CDH4: variants seen among roughly 807,000 people sequenced by gnomAD.
CDH4 encodes the protein cadherin-4.
A neutral mutation model predicts 86.0 loss-of-function variants in CDH4; 33 were observed. That is an observed-to-expected ratio of 0.38 (90% CI 0.29 to 0.51). The LOEUF is 0.51. Ranked by LOEUF, CDH4 falls within the 20% of genes least tolerant of loss-of-function variation. The pLI, the probability that CDH4 is intolerant of heterozygous loss-of-function variation, is 0.86. For missense variants in CDH4, 1,114 were observed against 1,307.4 expected (o/e 0.85, Z 2.28); for synonymous variants, 555 against 549.4 (o/e 1.01, Z -0.14).
At chr20:61,301,024 C>G (rs2084383461) in intron 2 of CDH4, among the ~76,000 whole-genome samples, 1 of 152,246 alleles carries the variant, frequency 6.6e-6, no homozygotes, top group Non-Finnish European at 1.5e-5. Flanking sequence ...CACGGTTAAT[C>G]CCATTAACTT....
At chr20:61,255,748 A>T (rs1600809572) in intron 2 of CDH4, among the ~76,000 whole-genome samples, 1 of 152,306 alleles carries the variant, frequency 6.6e-6, no homozygotes, top group East Asian at 1.9e-4. Context: ...TGTCCCAGGG[A>T]ATGTAAACTT....
intron 5 of CDH4, among the ~76,000 whole-genome samples, chr20:61,847,862 C>T (rs577248004): frequency 6.6e-5 from 10 of 152,278 alleles, no homozygotes; most frequent in African/African-American, 2.2e-4. Flanking sequence ...CAAGAATTCA[C>T]GTGTTACCAC....
At chr20:61,290,923 T>G (rs776802464) in intron 2 of CDH4, among the ~76,000 whole-genome samples, 1 of 152,204 alleles carries the variant, frequency 6.6e-6, no homozygotes, top group Non-Finnish European at 1.5e-5. Context: ...CAAACACCGT[T>G]ATCAAGAGCC....
intron 7 of CDH4, among the ~76,000 whole-genome samples, chr20:61,882,828 C>G (rs369984236): frequency 1.3e-5 from 2 of 151,778 alleles, no homozygotes; most frequent in Non-Finnish European, 2.9e-5. Context: ...CCCAGCCCCC[C>G]GCCCCTTCCT....
Position 61,415,988 on chromosome 20 carries a change from C to T in CDH4, c.169+161051C>T, listed in dbSNP as rs552734628. ...GTGCTAGGATTACAGGCGTGAGCCA[C>T]CATGCCTGGCCTCTCCTTCCTTTTT... On this transcript the variant is annotated intron_variant, in intron 2 of 15. Coordinates refer to ENST00000614565, the MANE Select transcript of CDH4 (RefSeq NM_001794.5). 1.5e-4 allele frequency among the ~76,000 whole-genome samples: 23 copies of T among 150,474 alleles called. No individual in the cohort carries two copies. The South Asian group carries it at 4.7e-3, about 31-fold the overall frequency.
At chr20:61,723,875 G>C (rs4547602) in intron 2 of CDH4, among the ~76,000 whole-genome samples, 1 of 114,864 alleles carries the variant, frequency 8.7e-6, no homozygotes, top group Non-Finnish European at 1.7e-5. Flanking sequence ...GCTCCATGCG[G>C]CAGGTGGGGT....
rs536500483 is a variant in CDH4 at position 61,924,321 on chromosome 20, G to C, written c.1629-13G>C. The C allele has an allele frequency of 1.3e-6, 2 of 1,575,720 alleles. No individual in the cohort carries two copies. The highest frequency in any genetic ancestry group is 2.2e-5 in the South Asian group (2 of 89,710). On this transcript the variant is annotated splice_polypyrimidine_tract_variant and intron_variant, in intron 10 of 15. Coordinates refer to ENST00000614565, the MANE Select transcript of CDH4 (RefSeq NM_001794.5). Reference sequence around the variant, plus strand: ...CCCAGCCTTACCTCCCCCTGCACTTGTGGTCTCCGCAGATACTCAAAGCTG... The same window carrying C: ...CCCAGCCTTACCTCCCCCTGCACTTCTGGTCTCCGCAGATACTCAAAGCTG...
rs774427950 is a variant in CDH4, at chr20:61,518,889, A to G, written c.170-224674A>G. 4.0e-5 allele frequency among the ~76,000 whole-genome samples: 6 copies of G among 151,678 alleles called. No homozygotes were observed. The highest frequency in any genetic ancestry group is 7.4e-5 in the Non-Finnish European group (5 of 67,934). On this transcript the variant is annotated intron_variant, in intron 2 of 15. Coordinates refer to ENST00000614565, the MANE Select transcript of CDH4 (RefSeq NM_001794.5). The surrounding 1 kb of genome is among the most constrained non-coding windows in gnomAD (Gnocchi z 6.3). Reference sequence around the variant, plus strand: ...CCATCATTCATTCATCAATCCACCCATCATCCATTCATCCATCATTCATTC... The same window carrying G: ...CCATCATTCATTCATCAATCCACCCGTCATCCATTCATCCATCATTCATTC...
At chr20:61,314,673 T>C (rs1040639852) in intron 2 of CDH4, among the ~76,000 whole-genome samples, 2 of 152,204 alleles carry the variant, frequency 1.3e-5, no homozygotes, top group African/African-American at 4.8e-5. Context: ...TAGTTCTACC[T>C]TTAATGTTCT....
chr20:61,583,172 G>A (rs1241083018), intron 2 of CDH4, among the ~76,000 whole-genome samples: 2 of 24,094 alleles, frequency 8.3e-5, no homozygotes, highest in African/African-American at 1.8e-4. Context: ...GGGCTCTGCG[G>A]GGGGGACAGA....
intron 2 of CDH4, among the ~76,000 whole-genome samples, chr20:61,426,842 C>T (rs1488771525): frequency 6.6e-6 from 1 of 152,120 alleles, no homozygotes; most frequent in African/African-American, 2.4e-5. Context: ...GTTCAGATGT[C>T]GAGGATTTCA....
chr20:61,469,581 C>T (rs2085491078), intron 2 of CDH4, among the ~76,000 whole-genome samples: 2 of 151,990 alleles, frequency 1.3e-5, no homozygotes, highest in African/African-American at 4.8e-5. Context: ...CTTATTTGTC[C>T]ATTTTTGCTT....
At chr20:61,656,348 C>G (rs62197795) in intron 2 of CDH4, among the ~76,000 whole-genome samples, 3 of 87,366 alleles carry the variant, frequency 3.4e-5, no homozygotes, top group Admixed American at 1.2e-4. Context: ...TGGGTAGGCG[C>G]GTGCTGAAGT....
intron 6 of CDH4, among the ~76,000 whole-genome samples, chr20:61,857,505 T>C (rs1023795080): frequency 1.3e-5 from 2 of 152,230 alleles, no homozygotes; most frequent in African/African-American, 4.8e-5. Context: ...CCGAGGATTT[T>C]TGCCCAGTTT....
chr20:61,636,357 A>G (rs577829456), intron 2 of CDH4, among the ~76,000 whole-genome samples: 10 of 152,258 alleles, frequency 6.6e-5, no homozygotes, highest in Non-Finnish European at 1.2e-4. Flanking sequence ...GGCTCCAATC[A>G]TTAAAAATGA....
intron 6 of CDH4, among the ~76,000 whole-genome samples, chr20:61,867,514 C>T (rs1035591668): frequency 1.3e-5 from 2 of 151,324 alleles, no homozygotes; most frequent in African/African-American, 4.9e-5. Context: ...CATGCCACTG[C>T]CCTCCTGCCT....
intron 2 of CDH4, among the ~76,000 whole-genome samples, chr20:61,612,555 G>C (rs971727532): frequency 6.6e-6 from 1 of 152,080 alleles, no homozygotes; most frequent in Admixed American, 6.5e-5. Flanking sequence ...CTGTCCACAT[G>C]GTCACTTTTC....
intron 2 of CDH4, chr20:61,570,394 G>A: frequency 2.4e-6 from 1 of 417,564 alleles, no homozygotes; most frequent in Non-Finnish European, 4.3e-6. Flanking sequence ...GGACCAGACG[G>A]GCCTGGCTGC....
intron 2 of CDH4, among the ~76,000 whole-genome samples, chr20:61,438,119 A>C (rs752038230): frequency 6.6e-6 from 1 of 152,192 alleles, no homozygotes; most frequent in Non-Finnish European, 1.5e-5. Flanking sequence ...CCCTGCTACA[A>C]TTCTGATTCA....
Sources: gnomAD v4.1 joint callset for allele counts (sites outside exome capture counted in the v4.1 genomes callset) on GRCh38, gnomAD v4.1.1 for gene constraint, Gnocchi (gnomAD v3.1) non-coding constraint, MANE v1.5 for transcripts, NCBI Gene and HGNC (gene_info 2026-07-23, HGNC 2026-07-21) for gene names.